The following PTGS1 variants were observed in gnomAD, a reference collection of about 807,000 sequenced individuals.
PTGS1 encodes prostaglandin-endoperoxide synthase 1, also known as prostaglandin G/H synthase 1.
A neutral mutation model predicts 63.0 loss-of-function variants in PTGS1; 40 were observed. The ratio of observed to expected loss-of-function variants is 0.63; its 90% confidence interval spans 0.49 to 0.83. The LOEUF is 0.83. Ranked by LOEUF, PTGS1 falls within the 40% of genes least tolerant of loss-of-function variation. The probability of loss-of-function intolerance (pLI) is 0.00; values close to 1 mark genes in which losing one functional copy is unlikely to be tolerated. For missense variants in PTGS1, 709 were observed against 786.5 expected, an observed-to-expected ratio of 0.90 and a Z score of 1.18; for synonymous variants, 298 against 301.9, an observed-to-expected ratio of 0.99 and a Z score of 0.13.
Position 122,377,947 on chromosome 9 carries a change from G to A in PTGS1, c.143G>A (p.Arg48His), listed in dbSNP as rs145719684. ...TGCCAGCACCAGGGCATCTGTGTCCGCTTCGGCCTTGACCGCTACCAGTGT... is the reference window on the plus strand; with the variant it reads ...TGCCAGCACCAGGGCATCTGTGTCCACTTCGGCCTTGACCGCTACCAGTGT... ...YPCQHQGICV[R>H]FGLDRYQCDC... The change falls in exon 3 of 11, where the codon CGC becomes CAC. Residue 48 changes from arginine (R) to histidine (H), a missense_variant. By Grantham distance (29) the Arg-to-His change is conservative. Transcript: ENST00000362012. 95 of 1,614,068 alleles carry A rather than the reference G, an allele frequency of 5.9e-5. 1 individual carries two copies. The highest frequency in any genetic ancestry group is 1.6e-4 in the Middle Eastern group (1 of 6,062).
intron 5 of PTGS1, among the ~76,000 whole-genome samples, chr9:122,380,650 A>G (rs1022106070): frequency 2.2e-4 from 33 of 152,306 alleles, no homozygotes; most frequent in Admixed American, 1.5e-3. Flanking sequence ...CAAAAACTGA[A>G]TAGATGTGAC....
chr9:122,386,130 TA>T (rs72444571), intron 8 of PTGS1, among the ~76,000 whole-genome samples: 39,507 of 138,732 alleles, frequency 0.28, 8,488 homozygotes, highest in African/African-American at 0.61. Flanking sequence ...CCCCATCTCT[TA>T]AAAAAAAAAA....
intron 8 of PTGS1, among the ~76,000 whole-genome samples, chr9:122,384,837 G>T (rs1837776891): frequency 6.6e-6 from 1 of 152,212 alleles, no homozygotes; most frequent in Admixed American, 6.5e-5. Context: ...TCTACACTTA[G>T]TATTCCTACT....
chr9:122,383,320 G>A (rs779300154), intron 7 of PTGS1, among the ~76,000 whole-genome samples, 189 bp from the exon 8 acceptor site: 3 of 151,652 alleles, frequency 2.0e-5, no homozygotes, highest in African/African-American at 4.8e-5. Flanking sequence ...GAAGATGAGC[G>A]GGGGTTGCTT....
intron 2 of PTGS1, among the ~76,000 whole-genome samples, chr9:122,372,095 G>T (rs1836842680): frequency 6.6e-6 from 1 of 152,106 alleles, no homozygotes. Flanking sequence ...CTCGCTGCTT[G>T]TGTGTGTGCG....
rs1837309917 is a variant in PTGS1, at chr9:122,378,415, C to T, written c.212-18C>T. On this transcript the variant is annotated intron_variant, in intron 3 of 10. Transcript: ENST00000362012. ...CTGGTAGGAGGGACCAACTGAGTGA[C>T]TGCCATTGCCCCTGCAGCTGGCCTG... 2 of 1,612,450 alleles carry T rather than the reference C, an allele frequency of 1.2e-6. No homozygotes were observed. The highest frequency in any genetic ancestry group is 1.3e-5 in the African/African-American group (1 of 75,070).
rs146234453 is a variant in PTGS1 at position 122,386,268 on chromosome 9, G to T, written c.1010-178G>T. Among the ~76,000 whole-genome samples, 557 of 152,112 alleles carry T rather than the reference G, an allele frequency of 3.7e-3. 4 individuals are homozygous for T. The highest frequency in any genetic ancestry group is 0.013 in the African/African-American group (526 of 41,512). The stretch of plus-strand genomic sequence containing the variant: ...AAGTGAGCTGTAATTATACCATTGC[G>T]CTCCAGCTTGGGTGACAGACCAAGA... On this transcript the variant is annotated intron_variant, in intron 8 of 10. Coordinates refer to ENST00000362012, the MANE Select transcript of PTGS1 (RefSeq NM_000962.4).
In PTGS1 at chr9:122,371,046, G is replaced by A. The variant is rs1286709163; in HGVS notation, c.-39G>A. The A allele has an allele frequency of 1.3e-6, 2 of 1,577,190 alleles. No individual in the cohort carries two copies. The highest frequency in any genetic ancestry group is 1.7e-6 in the Non-Finnish European group (2 of 1,169,480). On this transcript the variant is annotated 5_prime_UTR_variant, in exon 1 of 11. Transcript: ENST00000362012. ...GGCAGTGTGCGAGGCGCACGCACAGGAGCCTGCACTCTGCGTCCCGCACCC... is the reference window on the plus strand; with the variant it reads ...GGCAGTGTGCGAGGCGCACGCACAGAAGCCTGCACTCTGCGTCCCGCACCC...
At chr9:122,378,245 C>G (rs905558658) in intron 3 of PTGS1, among the ~76,000 whole-genome samples, 188 bp from the exon 4 acceptor site, 2 of 152,212 alleles carry the variant, frequency 1.3e-5, no homozygotes, top group Non-Finnish European at 2.9e-5. Context: ...CATGCCCTGG[C>G]CCCTGTCCTC....
chr9:122,386,319 CA>C (rs1350122677), intron 8 of PTGS1, 126 bp from the exon 9 acceptor site: 13 of 1,049,000 alleles, frequency 1.2e-5, no homozygotes. Context: ...TAAAAATAAA[CA>C]TCAACAGCAA....
At position 122,378,807 on chromosome 9, in the gene PTGS1, T is replaced by G; in HGVS notation, c.385T>G (p.Tyr129Asp). Residue 129 changes from tyrosine to aspartate, a missense_variant, in exon 5 of 11, where the codon TAC (tyrosine) becomes GAC (aspartate). Coordinates refer to ENST00000362012, the MANE Select transcript of PTGS1 (RefSeq NM_000962.4). ...RSNLIPSPPTYNSAHDYISWE... is the reference protein window; with the variant it reads ...RSNLIPSPPTDNSAHDYISWE... ...CAACCTTATCCCCAGTCCCCCCACCTACAACTCAGCACATGACTACATCAG... is the reference window on the plus strand; with the variant it reads ...CAACCTTATCCCCAGTCCCCCCACCGACAACTCAGCACATGACTACATCAG... 6.2e-7 allele frequency: 1 copy of G among 1,614,218 alleles called. No individual in the cohort carries two copies. The highest frequency in any genetic ancestry group is 8.5e-7 in the Non-Finnish European group (1 of 1,180,024).
intron 7 of PTGS1, among the ~76,000 whole-genome samples, chr9:122,381,966 T>C (rs1837557899): frequency 1.3e-5 from 2 of 152,130 alleles, no homozygotes; most frequent in Non-Finnish European, 2.9e-5. Flanking sequence ...GGGAGGTGGA[T>C]TTTGGAGCTC....
intron 9 of PTGS1, among the ~76,000 whole-genome samples, chr9:122,389,146 TCC>T (rs1838049366): frequency 7.9e-6 from 1 of 126,068 alleles, no homozygotes. Flanking sequence ...TTCTTTTCTT[TCC>T]TTTTTTTTTT....
intron 2 of PTGS1, chr9:122,371,897 C>A: frequency 8.1e-7 from 1 of 1,230,986 alleles, no homozygotes; most frequent in Non-Finnish European, 1.1e-6. Context: ...GAACTCAGGT[C>A]TGTCTGCGTC....
At chr9:122,381,800 C>G in intron 7 of PTGS1, 53 bp downstream of exon 7, 1 of 1,539,644 alleles carries the variant, frequency 6.5e-7, no homozygotes, top group Admixed American at 1.8e-5. Flanking sequence ...ATGGTCTTCC[C>G]TGGCAAAGAC....
chr9:122,378,278 T>C (rs975415564), intron 3 of PTGS1, among the ~76,000 whole-genome samples, 155 bp from the exon 4 acceptor site: 16 of 152,168 alleles, frequency 1.1e-4, no homozygotes, highest in Admixed American at 9.2e-4. Flanking sequence ...GTCTCTGTCA[T>C]GTGTCATTGC....
rs115729074 is a variant in PTGS1 at position 122,372,247 on chromosome 9, G to A, written c.94+975G>A. On this transcript the variant is annotated intron_variant, in intron 2 of 10. Transcript: ENST00000362012. ...CTGTGATGCTCTAAGGATCTGGTGC[G>A]TGGGGGAAAGAGGAAAGATATGTAC... Among the ~76,000 whole-genome samples the A allele has an allele frequency of 2.4e-3, 373 of 152,264 alleles. 1 individual carries two copies. Among genetic ancestry groups the A allele is most frequent in the African/African-American group, 8.4e-3 (348 of 41,544 alleles).
At chr9:122,389,340 G>A (rs899597822) in intron 9 of PTGS1, among the ~76,000 whole-genome samples, 3 of 151,734 alleles carry the variant, frequency 2.0e-5, no homozygotes, top group African/African-American at 4.8e-5. Context: ...TAGTAGAGAC[G>A]AGTCTTTGCC....
rs1342618257 is a variant in PTGS1 at position 122,381,437 on chromosome 9, C to G, written c.563C>G (p.Pro188Arg). 4 of 1,614,222 alleles carry G rather than the reference C, an allele frequency of 2.5e-6. No individual in the cohort carries two copies. In the South Asian group the frequency reaches 3.3e-5, roughly 13 times the overall value. ...RRFLLRRKFI[P>R]DPQGTNLMFA... is the part of the protein sequence containing the mutation. ...TTCCTGCTCAGGAGGAAGTTCATAC[C>G]TGACCCCCAAGGCACCAACCTCATG... Residue 188 changes from proline (P) to arginine (R), a missense_variant, in exon 6 of 11, where the codon CCT (proline) becomes CGT (arginine). Coordinates refer to ENST00000362012, the MANE Select transcript of PTGS1 (RefSeq NM_000962.4).
Sources: allele counts gnomAD v4.1 joint callset (sites outside exome capture counted in the v4.1 genomes callset), GRCh38; gene constraint gnomAD v4.1.1; transcripts MANE v1.5; gene names NCBI Gene and HGNC (gene_info 2026-07-23, HGNC 2026-07-21).